Variants in TRIM48 observed in about 807,000 individuals in gnomAD.
The protein encoded by TRIM48 is tripartite motif containing 48.
Under a neutral mutation model 29.5 loss-of-function variants are expected in TRIM48, and 31 were observed. That is an observed-to-expected ratio of 1.05 (90% CI 0.79 to 1.42). TRIM48 has a LOEUF of 1.42. Among genes scored for constraint, TRIM48 ranks in the 40% most tolerant of loss-of-function variants. The probability of loss-of-function intolerance (pLI) is 0.00; values close to 1 mark genes in which losing one functional copy is unlikely to be tolerated. For missense variants in TRIM48, 344 were observed against 265.0 expected, an observed-to-expected ratio of 1.30 and a Z score of -2.07; for synonymous variants, 128 against 90.6, an observed-to-expected ratio of 1.41 and a Z score of -2.34.
In TRIM48 at chr11:55,266,443, T is replaced by C. The variant is rs1287477657; in HGVS notation, c.555+748T>C. Among the ~76,000 whole-genome samples the C allele has an allele frequency of 6.8e-5, 10 of 147,318 alleles. 1 individual carries two copies. The highest frequency in any genetic ancestry group is 1.2e-4 in the Non-Finnish European group (8 of 66,818). ...CTATGTTGAATATTAAATTAGAAAA[T>C]TTGCCAGTATAGAAGAAAGAAAGCA... is the stretch of plus-strand genomic sequence containing the variant. On this transcript the variant is annotated intron_variant, in intron 3 of 5. Transcript: ENST00000417545.
At chr11:55,262,746 T>G (rs554906307) in intron 1 of TRIM48, among the ~76,000 whole-genome samples, 1 of 152,080 alleles carries the variant, frequency 6.6e-6, no homozygotes, top group South Asian at 2.1e-4. Context: ...ATAGTGAAAC[T>G]GAAAAAAATG....
At chr11:55,268,229 GC>G (rs1857422596) in intron 3 of TRIM48, 120 bp from the exon 4 acceptor site, 1 of 912,668 alleles carries the variant, frequency 1.1e-6, no homozygotes, top group Non-Finnish European at 1.7e-6. Flanking sequence ...AAAATGCTTT[GC>G]AGAAGAGAAG....
intron 1 of TRIM48, among the ~76,000 whole-genome samples, chr11:55,264,021 C>T (rs942836216): frequency 1.6e-4 from 25 of 152,148 alleles, no homozygotes; most frequent in Non-Finnish European, 2.6e-4. Flanking sequence ...TCCGGAAACA[C>T]CTTCACAGAC....
intron 5 of TRIM48, among the ~76,000 whole-genome samples, chr11:55,270,002 T>C (rs970979206): frequency 5.4e-5 from 8 of 148,124 alleles, no homozygotes; most frequent in Admixed American, 1.4e-4. Context: ...CATGTACTTA[T>C]GGATTTTTAT....
chr11:55,269,528 T>TG lies in TRIM48; in HGVS notation c.*1+190dup, dbSNP rs1195564486. On this transcript the variant is annotated intron_variant, in intron 5 of 5. Transcript: ENST00000417545. ...TTATAGCATTAAGATTGAAAGATAG[T>TG]GAAAAACAAATACATTATGGCCTCA... 4.1e-5 allele frequency among the ~76,000 whole-genome samples: 6 copies of TG among 148,038 alleles called. No individual in the cohort carries two copies. The East Asian group carries it at 8.5e-4, about 21-fold the overall frequency.
chr11:55,268,155 A>G (rs1565078807), intron 3 of TRIM48, among the ~76,000 whole-genome samples, 195 bp from the exon 4 acceptor site: 1 of 147,300 alleles, frequency 6.8e-6, no homozygotes, highest in Non-Finnish European at 1.5e-5. Context: ...CAAGACTCAG[A>G]CTTTCCCGGG....
chr11:55,263,936 A>G (rs983101852), intron 1 of TRIM48, among the ~76,000 whole-genome samples: 1 of 152,160 alleles, frequency 6.6e-6, no homozygotes, highest in African/African-American at 2.4e-5. Context: ...CTGAGCTACA[A>G]GCTGATTGAA....
rs1334972697 is a variant in TRIM48 at position 55,270,580 on chromosome 11, A to C, written c.*145A>C. The C allele has an allele frequency of 6.3e-7, 1 of 1,583,536 alleles. No homozygotes were observed. Among genetic ancestry groups the C allele is most frequent in the Non-Finnish European group, 8.6e-7 (1 of 1,165,776 alleles). On this transcript the variant is annotated 3_prime_UTR_variant, in exon 6 of 6. Transcript: ENST00000417545. ...AAGTTTTCTTGCATGGGGTGCTCAGACTTTCACCTCTGGCAAATATTACTG... is the reference window on the plus strand; with the variant it reads ...AAGTTTTCTTGCATGGGGTGCTCAGCCTTTCACCTCTGGCAAATATTACTG...
rs748054305 is a variant in TRIM48, at chr11:55,269,313, T to G, written c.650T>G (p.Leu217Arg). 1.5e-4 allele frequency: 229 copies of G among 1,575,846 alleles called. 25 individuals carry two copies. Among genetic ancestry groups the G allele is most frequent in the Non-Finnish European group, 1.9e-4 (219 of 1,166,056 alleles). The change falls in exon 5 of 6, where the codon CTG (leucine) becomes CGG (arginine). Residue 217 changes from leucine to arginine, a missense_variant. Leu to Arg is a moderately radical substitution (Grantham distance 102). Transcript: ENST00000417545. ...LALRAGPITG[L>R]RDRLNQF ...CTCAGGGCAGGGCCCATCACTGGAC[T>G]GAGGGACAGGCTCAACCAATTCTGA...
chr11:55,270,667 G>C lies in TRIM48; in HGVS notation c.*232G>C. 1.9e-6 allele frequency: 3 copies of C among 1,577,844 alleles called. No individual in the cohort carries two copies. Among genetic ancestry groups the C allele is most frequent in the Non-Finnish European group, 2.6e-6 (3 of 1,160,914 alleles). Reference sequence around the variant, plus strand: ...TGGTGTCTGTAATAAGTATTGGAAAGGGAAGAATCAGAATGGCAATATATA... The same window carrying C: ...TGGTGTCTGTAATAAGTATTGGAAACGGAAGAATCAGAATGGCAATATATA... On this transcript the variant is annotated 3_prime_UTR_variant, in exon 6 of 6. Coordinates refer to ENST00000417545, the MANE Select transcript of TRIM48 (RefSeq NM_024114.5).
In TRIM48 at chr11:55,265,310, A is replaced by C. The variant is rs747959449; in HGVS notation, c.455A>C (p.His152Pro). The C allele has an allele frequency of 6.3e-7, 1 of 1,582,174 alleles. No homozygotes were observed. The highest frequency in any genetic ancestry group is 8.6e-7 in the Non-Finnish European group (1 of 1,166,024). Residue 152 changes from histidine to proline, a missense_variant, in exon 2 of 6, where the codon CAC becomes CCC. His to Pro is a moderately conservative substitution (Grantham distance 77). Transcript: ENST00000417545. ...HCPAEWAAEE[H>P]WEKLLKKMQS... ...CCCGCTGAGTGGGCTGCTGAGGAAC[A>C]CTGGGTAAGTGATGCCTCTGAAGAT...
Position 55,265,528 on chromosome 11 carries a change from C to G in TRIM48, c.460-72C>G, listed in dbSNP as rs565569646. On this transcript the variant is annotated intron_variant, in intron 2 of 5. Coordinates refer to ENST00000417545, the MANE Select transcript of TRIM48 (RefSeq NM_024114.5). ...ACTTATTTGTCTCTCATTCTGGGCC[C>G]CCTCCCAATGAAACGGTCTGTATGT... The G allele has an allele frequency of 9.1e-6, 14 of 1,531,078 alleles. 2 individuals carry two copies. Among genetic ancestry groups the G allele is most frequent in the East Asian group, 5.0e-5 (2 of 40,008 alleles). The allele number at this position is 1,531,078 out of a possible 1,614,324, so 94.8% of individuals were successfully genotyped here. A position where few individuals can be genotyped will look rare whatever the true frequency, so the allele number is the denominator to read the frequency against.
rs557773099 is a variant in TRIM48 at position 55,262,436 on chromosome 11, C to T, written c.44+125C>T. 8.2e-6 allele frequency: 6 copies of T among 728,076 alleles called. No homozygotes were observed. In the African/African-American group the frequency reaches 1.1e-4, roughly 13 times the overall value. 45.1% of individuals were successfully genotyped at this position (728,076 alleles called of 1,614,324 possible). Reference sequence around the variant, plus strand: ...ATACCATCTGTAATTCATATTCTTACTATAGATTTTATGAATTATGAGGAT... The same window carrying T: ...ATACCATCTGTAATTCATATTCTTATTATAGATTTTATGAATTATGAGGAT... On this transcript the variant is annotated intron_variant, in intron 1 of 5. Coordinates refer to ENST00000417545, the MANE Select transcript of TRIM48 (RefSeq NM_024114.5).
At chr11:55,267,102 T>A (rs1403673402) in intron 3 of TRIM48, among the ~76,000 whole-genome samples, 2 of 148,154 alleles carry the variant, frequency 1.3e-5, no homozygotes, top group Non-Finnish European at 3.0e-5. Flanking sequence ...CTCCAACTCT[T>A]AAGCATGAAC....
chr11:55,270,365 G>T, intron 5 of TRIM48, 72 bp from the exon 6 acceptor site: 1 of 1,229,988 alleles, frequency 8.1e-7, no homozygotes, highest in Non-Finnish European at 1.1e-6. Context: ...AACGATTTTT[G>T]CTTATTTACA....
chr11:55,263,722 TAC>T (rs1324601928), intron 1 of TRIM48, among the ~76,000 whole-genome samples: 1 of 152,128 alleles, frequency 6.6e-6, no homozygotes, highest in Non-Finnish European at 1.5e-5. Flanking sequence ...GTCCTCAAGC[TAC>T]ACATGATTCT....
chr11:55,265,569 A>C (rs771639162), intron 2 of TRIM48, 31 bp from the exon 3 acceptor site: 1 of 1,572,684 alleles, frequency 6.4e-7, no homozygotes, highest in South Asian at 1.2e-5. Context: ...TATTGTCTTC[A>C]CTGGTGCTTC....
At chr11:55,269,461 T>C in intron 5 of TRIM48, 122 bp downstream of exon 5, 3 of 1,297,834 alleles carry the variant, frequency 2.3e-6, no homozygotes, top group Non-Finnish European at 3.1e-6. Context: ...GAGAACAATA[T>C]AATCATGCAA....
chr11:55,265,226 G>T lies in TRIM48; in HGVS notation c.371G>T (p.Arg124Met), dbSNP rs182683475. The T allele has an allele frequency of 1.9e-6, 3 of 1,582,694 alleles. No homozygotes were observed. The highest frequency in any genetic ancestry group is 2.6e-6 in the Non-Finnish European group (3 of 1,166,162). ...ETKKMFCEVDRSLLCLLCSSS... is the reference protein window; with the variant it reads ...ETKKMFCEVDMSLLCLLCSSS... Reference sequence around the variant, plus strand: ...AAGAAGATGTTCTGTGAAGTGGACAGGAGCCTGCTCTGTTTGCTGTGCTCC... The same window carrying T: ...AAGAAGATGTTCTGTGAAGTGGACATGAGCCTGCTCTGTTTGCTGTGCTCC... The change falls in exon 2 of 6, where the codon AGG becomes ATG. Residue 124 changes from arginine (R) to methionine (M), a missense_variant. By Grantham distance (91) the Arg-to-Met change is moderately conservative. Transcript: ENST00000417545.
Sources: gnomAD v4.1 joint callset for allele counts (sites outside exome capture counted in the v4.1 genomes callset) on GRCh38, gnomAD v4.1.1 for gene constraint, MANE v1.5 for transcripts, NCBI Gene and HGNC (gene_info 2026-07-23, HGNC 2026-07-21) for gene names.